The following LINGO2 variants were observed in gnomAD, a reference collection of about 807,000 sequenced individuals.
The protein encoded by LINGO2 is leucine-rich repeat and immunoglobulin-like domain-containing nogo receptor-interacting protein 2.
LINGO2 carries 14 observed loss-of-function variants against 30.6 expected under a neutral mutation model. That is an observed-to-expected ratio of 0.46 (90% CI 0.30 to 0.72). The LOEUF is 0.72. Ranked by LOEUF, LINGO2 falls within the 30% of genes least tolerant of loss-of-function variation. The pLI is 0.07. For missense variants in LINGO2, 729 were observed against 751.7 expected, an observed-to-expected ratio of 0.97 and a Z score of 0.35; for synonymous variants, 317 against 288.5, an observed-to-expected ratio of 1.10 and a Z score of -1.00.
At chr9:28,576,284 TAGAC>T (rs1410534836) in intron 1 of LINGO2, among the ~76,000 whole-genome samples, 14 of 152,224 alleles carry the variant, frequency 9.2e-5, no homozygotes, top group African/African-American at 3.4e-4. Flanking sequence ...TACGTATCAT[TAGAC>T]AGAGGAAAGA....
chr9:29,174,482 C>T, the LINGO2 span, among the ~76,000 whole-genome samples: 17 of 152,312 alleles, frequency 1.1e-4, no homozygotes, highest in African/African-American at 2.9e-4. Flanking sequence ...TTTCATGCTA[C>T]GTCCTAGGAC....
At chr9:28,911,739 T>C in the LINGO2 span, among the ~76,000 whole-genome samples, 2 of 152,116 alleles carry the variant, frequency 1.3e-5, no homozygotes, top group African/African-American at 4.8e-5. Context: ...ACTCATAATA[T>C]TGGAAGGTAC....
intron 4 of LINGO2, among the ~76,000 whole-genome samples, chr9:28,290,918 C>T (rs994165765): frequency 6.6e-6 from 1 of 152,088 alleles, no homozygotes; most frequent in Non-Finnish European, 1.5e-5. Flanking sequence ...ATAATTAACT[C>T]TCCCACCCCA....
chr9:28,086,616 G>A (rs1825922741), intron 4 of LINGO2, among the ~76,000 whole-genome samples: 1 of 151,836 alleles, frequency 6.6e-6, no homozygotes. Flanking sequence ...TAAAAGCTCT[G>A]AATTTATATA....
the LINGO2 span, among the ~76,000 whole-genome samples, chr9:28,772,566 T>C: frequency 2.0e-5 from 3 of 152,240 alleles, no homozygotes; most frequent in Non-Finnish European, 4.4e-5. Flanking sequence ...GTTATTGATA[T>C]TACTAAATGG....
chr9:28,655,926 T>C (rs1017158811), intron 1 of LINGO2, among the ~76,000 whole-genome samples: 1 of 152,110 alleles, frequency 6.6e-6, no homozygotes, highest in African/African-American at 2.4e-5. Context: ...ACTAATACAG[T>C]GAGCCAAAAT....
chr9:28,830,706 C>G, the LINGO2 span, among the ~76,000 whole-genome samples: 3 of 152,142 alleles, frequency 2.0e-5, no homozygotes, highest in Non-Finnish European at 2.9e-5. Context: ...CTTTACTTCT[C>G]CTGACGTCTC....
At chr9:28,090,164 A>G (rs779350028) in intron 4 of LINGO2, among the ~76,000 whole-genome samples, 2 of 152,184 alleles carry the variant, frequency 1.3e-5, no homozygotes, top group Non-Finnish European at 2.9e-5. Context: ...TTCCTTCTGA[A>G]ACTATTCCAA....
the LINGO2 span, among the ~76,000 whole-genome samples, chr9:28,896,266 T>A: frequency 2.0e-5 from 3 of 152,186 alleles, no homozygotes; most frequent in African/African-American, 7.2e-5. Context: ...CAATTCAGAA[T>A]ATTTTCTTAT....
At chr9:27,962,202 C>T (rs190366661) in intron 5 of LINGO2, among the ~76,000 whole-genome samples, 6 of 152,156 alleles carry the variant, frequency 3.9e-5, no homozygotes, top group Admixed American at 6.5e-5. Flanking sequence ...AAGTGCGAGT[C>T]GTTTTTTATA....
intron 4 of LINGO2, among the ~76,000 whole-genome samples, chr9:28,193,320 C>A (rs1819888141): frequency 1.3e-5 from 2 of 152,188 alleles, no homozygotes; most frequent in South Asian, 4.1e-4. Flanking sequence ...GAAATTTTTG[C>A]ATAAAATTCA....
upstream of LINGO2, among the ~76,000 whole-genome samples, chr9:28,671,849 G>A (rs142530367): frequency 1.1e-4 from 17 of 152,008 alleles, no homozygotes; most frequent in Admixed American, 6.6e-4. Flanking sequence ...ATAGAAGATT[G>A]GAACATAAAG....
chr9:28,766,838 AAG>A, the LINGO2 span, among the ~76,000 whole-genome samples: 2 of 128,480 alleles, frequency 1.6e-5, no homozygotes, highest in East Asian at 2.0e-4. Context: ...GAAGGAGAGA[AAG>A]AGAGAGAGAG....
At chr9:28,968,833 T>A in the LINGO2 span, among the ~76,000 whole-genome samples, 2,655 of 152,248 alleles carry the variant, frequency 0.017, 91 homozygotes, top group African/African-American at 0.061. Flanking sequence ...TGAAAAAATG[T>A]GACATGGCAA....
intron 3 of LINGO2, among the ~76,000 whole-genome samples, chr9:28,365,168 T>G (rs1183833504): frequency 1.3e-5 from 2 of 152,118 alleles, no homozygotes; most frequent in African/African-American, 4.8e-5. Flanking sequence ...CTAGTCAGTG[T>G]GCTGCAGAGA....
rs146745964 is a variant in LINGO2 at position 27,964,378 on chromosome 9, A to G, written c.-35-13672T>C. On this transcript the variant is annotated intron_variant, in intron 5 of 5. Coordinates refer to ENST00000379992, the Ensembl canonical transcript of LINGO2. ...TATGCTGATTACCAATTCTGGGGGTAACTGAAGATAGTATTTTGGTCTATA... is the reference window on the plus strand; with the variant it reads ...TATGCTGATTACCAATTCTGGGGGTGACTGAAGATAGTATTTTGGTCTATA... Among the ~76,000 whole-genome samples the G allele has an allele frequency of 7.2e-3, 1,090 of 152,244 alleles. 7 individuals are homozygous for G. The highest frequency in any genetic ancestry group is 0.02 in the African/African-American group (821 of 41,570).
intron 4 of LINGO2, among the ~76,000 whole-genome samples, chr9:28,124,871 AAATAAATACTACCAGT>A (rs1381303586): frequency 6.6e-6 from 1 of 152,250 alleles, no homozygotes; most frequent in African/African-American, 2.4e-5. Flanking sequence ...TAGCGAACAA[AAATAAATACTACCAGT>A]AATAATATAA....
the LINGO2 span, among the ~76,000 whole-genome samples, chr9:29,128,845 C>T: frequency 6.6e-6 from 1 of 151,874 alleles, no homozygotes; most frequent in Admixed American, 6.6e-5. Flanking sequence ...ATACGTTGTG[C>T]CTACCAAATT....
chr9:28,080,438 C>G (rs1204440464), intron 4 of LINGO2, among the ~76,000 whole-genome samples: 9 of 152,120 alleles, frequency 5.9e-5, no homozygotes, highest in Admixed American at 5.2e-4. Context: ...TTTTTCTGGT[C>G]TCTTTGGTTG....
Sources: allele counts gnomAD v4.1 joint callset (sites outside exome capture counted in the v4.1 genomes callset), GRCh38; gene constraint gnomAD v4.1.1; transcripts MANE v1.5; gene names NCBI Gene and HGNC (gene_info 2026-07-23, HGNC 2026-07-21).